HMGA2: variants seen among roughly 807,000 people sequenced by gnomAD.
HMGA2 encodes the protein high mobility group protein HMGI-C.
Under a neutral mutation model 19.1 loss-of-function variants are expected in HMGA2, and 8 were observed. The ratio of observed to expected loss-of-function variants is 0.42; its 90% confidence interval spans 0.25 to 0.76. HMGA2 has a LOEUF of 0.76. Among genes scored for constraint, HMGA2 ranks in the 30% least tolerant of loss-of-function variants. The pLI, the probability that HMGA2 is intolerant of heterozygous loss-of-function variation, is 0.28. For missense variants in HMGA2, 109 were observed against 136.3 expected (o/e 0.80, Z 1.00); for synonymous variants, 60 against 48.8 (o/e 1.23, Z -0.96).
At chr12:65,960,592 G>C (rs1876725444) in intron 4 of HMGA2, among the ~76,000 whole-genome samples, 2 of 152,164 alleles carry the variant, frequency 1.3e-5, no homozygotes, top group Non-Finnish European at 2.9e-5. Flanking sequence ...TGGCCAGCCA[G>C]GGCTATGCCA....
intron 3 of HMGA2, among the ~76,000 whole-genome samples, chr12:65,861,806 A>G (rs1055862118): frequency 1.3e-5 from 2 of 150,196 alleles, no homozygotes; most frequent in Admixed American, 6.6e-5. Flanking sequence ...ATATAACAAC[A>G]TATTTTTGAA....
intron 3 of HMGA2, among the ~76,000 whole-genome samples, chr12:65,917,738 C>G (rs534748233): frequency 2.0e-5 from 3 of 152,242 alleles, no homozygotes; most frequent in African/African-American, 7.2e-5. Flanking sequence ...TTGTGGAGCC[C>G]TAGATCTGTG....
chr12:65,865,633 C>CTTTTTTTT (rs952845162), intron 3 of HMGA2, among the ~76,000 whole-genome samples: 18 of 131,794 alleles, frequency 1.4e-4, no homozygotes, highest in South Asian at 2.5e-4. Flanking sequence ...ATCTATTTTT[C>CTTTTTTTT]TTTTTTTTTT....
At chr12:65,845,200 C>T (rs1852649519) in intron 3 of HMGA2, among the ~76,000 whole-genome samples, 1 of 151,888 alleles carries the variant, frequency 6.6e-6, no homozygotes, top group Non-Finnish European at 1.5e-5. Context: ...GATTATATTC[C>T]AGGAGAACAT....
chr12:65,838,105 G>T (rs1870810276), intron 2 of HMGA2, among the ~76,000 whole-genome samples: 2 of 152,062 alleles, frequency 1.3e-5, no homozygotes, highest in South Asian at 4.1e-4. Context: ...TGCAACTTTA[G>T]TTGTGACATG....
chr12:65,937,287 T>C (rs780787885), intron 3 of HMGA2, among the ~76,000 whole-genome samples: 1 of 152,136 alleles, frequency 6.6e-6, no homozygotes, highest in African/African-American at 2.4e-5. Context: ...CTCATTTCAA[T>C]AGACAACTTG....
chr12:65,918,965 T>A (rs960285276), intron 3 of HMGA2, among the ~76,000 whole-genome samples: 1 of 152,140 alleles, frequency 6.6e-6, no homozygotes, highest in Non-Finnish European at 1.5e-5. Context: ...TGTAAAAAAA[T>A]GTTTCTGTAG....
chr12:65,830,929 T>A (rs1047323329), intron 2 of HMGA2: 2 of 151,916 alleles, frequency 1.3e-5, no homozygotes, highest in African/African-American at 2.4e-5. Context: ...AACTAATTAC[T>A]ATGCATGACC....
intron 3 of HMGA2, among the ~76,000 whole-genome samples, chr12:65,946,295 T>A (rs1380669730): frequency 6.6e-6 from 1 of 152,194 alleles, no homozygotes; most frequent in East Asian, 1.9e-4. Flanking sequence ...CAAAATCATA[T>A]GATTTTAAAA....
intron 3 of HMGA2, chr12:65,857,374 A>C (rs892728243): frequency 6.6e-6 from 1 of 152,220 alleles, no homozygotes; most frequent in Non-Finnish European, 1.5e-5. Context: ...CTTCAGTTTT[A>C]TTAATGCTTG....
intron 3 of HMGA2, among the ~76,000 whole-genome samples, chr12:65,903,878 G>T (rs907315366): frequency 2.6e-5 from 4 of 152,164 alleles, no homozygotes; most frequent in African/African-American, 9.7e-5. Flanking sequence ...TTGCTGGAAT[G>T]AAATAAGACC....
intron 3 of HMGA2, among the ~76,000 whole-genome samples, chr12:65,871,262 C>A (rs373556811): frequency 6.6e-6 from 1 of 152,112 alleles, no homozygotes; most frequent in Non-Finnish European, 1.5e-5. Flanking sequence ...TGGGCCCAGC[C>A]GCACCTATTG....
chr12:65,877,076 G>C (rs967320212), intron 3 of HMGA2: 6 of 152,224 alleles, frequency 3.9e-5, no homozygotes, highest in African/African-American at 1.4e-4. Flanking sequence ...GGTTGGCTTT[G>C]TTGACACCTT....
At chr12:65,861,907 C>T (rs1474519321) in intron 3 of HMGA2, among the ~76,000 whole-genome samples, 2 of 150,798 alleles carry the variant, frequency 1.3e-5, no homozygotes, top group African/African-American at 4.9e-5. Context: ...CGCAATGGCG[C>T]GATCTCGGCT....
chr12:65,826,989 G>A (rs543379804), intron 1 of HMGA2: 1 of 152,272 alleles, frequency 6.6e-6, no homozygotes, highest in South Asian at 2.1e-4. Flanking sequence ...TTTCATTGAG[G>A]ACGTTCATGG....
intron 3 of HMGA2, chr12:65,873,947 G>A (rs1408728840): frequency 6.6e-6 from 1 of 152,204 alleles, no homozygotes; most frequent in African/African-American, 2.4e-5. Flanking sequence ...AGGGCAGTTT[G>A]AGGTATGCCA....
intron 3 of HMGA2, among the ~76,000 whole-genome samples, chr12:65,927,533 CTTCTT>C (rs1270015616): frequency 1.3e-5 from 2 of 152,144 alleles, no homozygotes; most frequent in Non-Finnish European, 2.9e-5. Context: ...GGGACAAACT[CTTCTT>C]TACGTTTTAT....
At chr12:65,856,643 C>G (rs1382699999) in intron 3 of HMGA2, 1 of 152,350 alleles carries the variant, frequency 6.6e-6, no homozygotes, top group East Asian at 1.9e-4. Context: ...TGCTCTTTCA[C>G]AGTCTGGAAA....
At chr12:65,896,935 G>A (rs1197652669) in intron 3 of HMGA2, among the ~76,000 whole-genome samples, 1 of 152,196 alleles carries the variant, frequency 6.6e-6, no homozygotes, top group African/African-American at 2.4e-5. Flanking sequence ...CCCTGGCTGT[G>A]TTATCAATGC....
Sources: gnomAD v4.1 joint callset for allele counts (sites outside exome capture counted in the v4.1 genomes callset) on GRCh38, gnomAD v4.1.1 for gene constraint, MANE v1.5 for transcripts, NCBI Gene and HGNC (gene_info 2026-07-23, HGNC 2026-07-21) for gene names.